TAFA2: variants seen among roughly 807,000 people sequenced by gnomAD.
The protein encoded by TAFA2 is chemokine-like protein TAFA-2.
In TAFA2, 7 loss-of-function variants were observed where a neutral mutation model predicts 18.8. That is an observed-to-expected ratio of 0.37 (90% CI 0.21 to 0.70). The LOEUF is 0.70. Among genes scored for constraint, TAFA2 ranks in the 30% least tolerant of loss-of-function variants. The pLI, the probability that TAFA2 is intolerant of heterozygous loss-of-function variation, is 0.53. For missense variants in TAFA2, 122 were observed against 158.1 expected (o/e 0.77, Z 1.23); for synonymous variants, 60 against 54.2 (o/e 1.11, Z -0.47).
At chr12:62,181,520 A>T (rs796617306) in intron 1 of TAFA2, among the ~76,000 whole-genome samples, 3 of 152,246 alleles carry the variant, frequency 2.0e-5, no homozygotes, top group African/African-American at 7.2e-5. Flanking sequence ...ATTTAATAGC[A>T]TGACTATTAC....
intron 2 of TAFA2, among the ~76,000 whole-genome samples, chr12:61,827,409 G>A (rs897277013): frequency 1.3e-5 from 2 of 151,902 alleles, no homozygotes; most frequent in Admixed American, 1.3e-4. Context: ...GGAAACAGGA[G>A]GTTCTCTACC....
chr12:61,836,732 G>GATATATATGTGTATATAT (rs58543429), intron 2 of TAFA2, among the ~76,000 whole-genome samples: 1 of 112,786 alleles, frequency 8.9e-6, no homozygotes, highest in African/African-American at 3.0e-5. Flanking sequence ...TTGCCAATTT[G>GATATATATGTGTATATAT]ATATATATAT....
intron 1 of TAFA2, among the ~76,000 whole-genome samples, chr12:61,907,394 G>C (rs962440150): frequency 6.6e-6 from 1 of 152,192 alleles, no homozygotes; most frequent in Non-Finnish European, 1.5e-5. Context: ...TGCTTCAGAG[G>C]GTGCAAGCCC....
chr12:61,725,181 T>C (rs1435210084), intron 4 of TAFA2, among the ~76,000 whole-genome samples: 1 of 152,114 alleles, frequency 6.6e-6, no homozygotes, highest in African/African-American at 2.4e-5. Flanking sequence ...ATTCTGGATA[T>C]AGTTTTTTGT....
At chr12:62,117,209 T>C (rs1478808877) in intron 1 of TAFA2, among the ~76,000 whole-genome samples, 3 of 152,220 alleles carry the variant, frequency 2.0e-5, no homozygotes, top group Non-Finnish European at 4.4e-5. Context: ...CATTACAAAA[T>C]AGTATTTACA....
intron 1 of TAFA2, among the ~76,000 whole-genome samples, chr12:62,168,375 A>G (rs957123279): frequency 6.6e-6 from 1 of 152,244 alleles, no homozygotes; most frequent in Non-Finnish European, 1.5e-5. Flanking sequence ...TCTTGTTTGA[A>G]CTACCAATTA....
chr12:62,122,585 T>C (rs1870246513), intron 1 of TAFA2, among the ~76,000 whole-genome samples: 1 of 152,200 alleles, frequency 6.6e-6, no homozygotes, highest in African/African-American at 2.4e-5. Flanking sequence ...TAACTTGAGC[T>C]AGGTCACACA....
At chr12:61,832,963 T>A (rs968069341) in intron 2 of TAFA2, among the ~76,000 whole-genome samples, 1 of 150,378 alleles carries the variant, frequency 6.6e-6, no homozygotes, top group African/African-American at 2.4e-5. Context: ...TTGTTGAGCA[T>A]CTACAATGTG....
chr12:61,881,075 AAT>A (rs201922429), intron 1 of TAFA2, among the ~76,000 whole-genome samples: 2,021 of 152,302 alleles, frequency 0.013, 33 homozygotes, highest in African/African-American at 0.044. Context: ...TATAAAATAG[AAT>A]ATGTTAAAAT....
chr12:61,938,485 G>T (rs1473976564), intron 1 of TAFA2, among the ~76,000 whole-genome samples: 2 of 152,072 alleles, frequency 1.3e-5, no homozygotes, highest in African/African-American at 4.8e-5. Flanking sequence ...GAGAATAAGA[G>T]GAGGGAGAGG....
At chr12:62,161,006 G>A (rs10747953) in intron 1 of TAFA2, among the ~76,000 whole-genome samples, 140,716 of 152,276 alleles carry the variant, frequency 0.92, 65,171 homozygotes, top group African/African-American at 0.96. Context: ...TGTCAAGTCT[G>A]CAAGAATCAT....
At chr12:62,257,666 C>G in intron 1 of TAFA2, among the ~76,000 whole-genome samples, 1 of 152,210 alleles carries the variant, frequency 6.6e-6, no homozygotes, top group East Asian at 1.9e-4. Flanking sequence ...AAAAAAGGTA[C>G]AGAGAGTCTG....
intron 1 of TAFA2, among the ~76,000 whole-genome samples, chr12:62,145,073 A>G (rs11174347): frequency 0.12 from 18,429 of 152,222 alleles, 1,508 homozygotes; most frequent in East Asian, 0.34. Context: ...AGACACCATA[A>G]CTTCTTATTC....
chr12:61,751,197 A>G (rs527531426), intron 4 of TAFA2, among the ~76,000 whole-genome samples: 1 of 152,056 alleles, frequency 6.6e-6, no homozygotes, highest in East Asian at 1.9e-4. Context: ...TCTTTTCACT[A>G]TTTCAGTGGA....
intron 1 of TAFA2, among the ~76,000 whole-genome samples, chr12:62,064,268 G>A (rs192793476): frequency 6.6e-6 from 1 of 151,978 alleles, no homozygotes; most frequent in East Asian, 1.9e-4. Flanking sequence ...ATATTTTGTG[G>A]AATTTTGGAA....
At chr12:61,884,342 C>CT (rs1412870567) in intron 1 of TAFA2, among the ~76,000 whole-genome samples, 3 of 152,116 alleles carry the variant, frequency 2.0e-5, no homozygotes, top group Non-Finnish European at 4.4e-5. Context: ...TATACAAACC[C>CT]TTTGCATCAT....
chr12:61,900,757 C>T (rs1368982796), intron 1 of TAFA2, among the ~76,000 whole-genome samples: 1 of 152,154 alleles, frequency 6.6e-6, no homozygotes, highest in African/African-American at 2.4e-5. Context: ...GGGATATAGC[C>T]AAACCATATC....
intron 1 of TAFA2, among the ~76,000 whole-genome samples, chr12:62,240,779 A>T (rs1323892639): frequency 1.3e-5 from 2 of 152,308 alleles, no homozygotes; most frequent in East Asian, 3.9e-4. Flanking sequence ...ACTGCAGAGC[A>T]GGAAGTGAGC....
intron 2 of TAFA2, among the ~76,000 whole-genome samples, chr12:61,818,659 T>G (rs549276994): frequency 6.6e-6 from 1 of 152,146 alleles, no homozygotes. Context: ...CTTACTGGGG[T>G]CCCTGAGATA....
Sources: gnomAD v4.1 joint callset for allele counts (sites outside exome capture counted in the v4.1 genomes callset) on GRCh38, gnomAD v4.1.1 for gene constraint, MANE v1.5 for transcripts, NCBI Gene and HGNC (gene_info 2026-07-23, HGNC 2026-07-21) for gene names.